The following GDAP1 variants were observed in gnomAD, a reference collection of about 807,000 sequenced individuals.
GDAP1 encodes ganglioside-induced differentiation-associated protein 1.
In GDAP1, 34 loss-of-function variants were observed where a neutral mutation model predicts 40.1. The ratio of observed to expected loss-of-function variants is 0.85; its 90% CI spans 0.64 to 1.13. GDAP1 has a LOEUF of 1.13. GDAP1 is among the 50% of genes most tolerant of loss of function. The pLI, the probability that GDAP1 is intolerant of heterozygous loss-of-function variation, is 0.00. For missense variants in GDAP1, 374 were observed against 433.7 expected, an observed-to-expected ratio of 0.86 and a Z score of 1.22; for synonymous variants, 170 against 157.4, an observed-to-expected ratio of 1.08 and a Z score of -0.60.
chr8:74,436,786 C>G (rs977539180), intron 2 of GDAP1, among the ~76,000 whole-genome samples: 6 of 152,042 alleles, frequency 3.9e-5, no homozygotes, highest in African/African-American at 1.4e-4. Context: ...TTTTCCCGGC[C>G]CTTTACCCCC....
At chr8:74,350,662 C>T in intron 1 of GDAP1, 84 bp downstream of exon 1, 2 of 925,736 alleles carry the variant, frequency 2.2e-6, no homozygotes, top group Admixed American at 3.4e-5. Context: ...CCCAGGGAAG[C>T]CGGTCCACCT....
chr8:74,473,968 A>G (rs1463724025), intron 2 of GDAP1, among the ~76,000 whole-genome samples: 1 of 151,306 alleles, frequency 6.6e-6, no homozygotes, highest in Non-Finnish European at 1.5e-5. Context: ...TATTTGTTTC[A>G]CCTCTGTTTC....
At chr8:74,464,998 T>C (rs1806450377) in intron 2 of GDAP1, among the ~76,000 whole-genome samples, 1 of 152,116 alleles carries the variant, frequency 6.6e-6, no homozygotes, top group African/African-American at 2.4e-5. Flanking sequence ...GGCGGGTAGA[T>C]TGCTTGAGCT....
At chr8:74,456,856 T>A (rs1806341851) in intron 2 of GDAP1, among the ~76,000 whole-genome samples, 1 of 152,034 alleles carries the variant, frequency 6.6e-6, no homozygotes, top group Non-Finnish European at 1.5e-5. Flanking sequence ...TGTGATGAAG[T>A]TGAAAATATG....
At chr8:74,449,311 G>GACAT (rs1250607507) in intron 2 of GDAP1, among the ~76,000 whole-genome samples, 1 of 151,664 alleles carries the variant, frequency 6.6e-6, no homozygotes, top group Non-Finnish European at 1.5e-5. Context: ...TGATTGTTTT[G>GACAT]ACATACAAGC....
chr8:74,419,234 A>T (rs1192090285), intron 2 of GDAP1, among the ~76,000 whole-genome samples: 1 of 152,240 alleles, frequency 6.6e-6, no homozygotes, highest in Non-Finnish European at 1.5e-5. Context: ...ATAAATGTTT[A>T]TGGTGGTTTT....
chr8:74,421,627 C>T (rs1320910951), intron 2 of GDAP1, among the ~76,000 whole-genome samples: 2 of 127,428 alleles, frequency 1.6e-5, no homozygotes, highest in Non-Finnish European at 3.3e-5. Flanking sequence ...TCAACCTTAG[C>T]CTTCAGGACT....
chr8:74,445,135 T>C (rs550098671), intron 2 of GDAP1, among the ~76,000 whole-genome samples: 3 of 152,206 alleles, frequency 2.0e-5, no homozygotes, highest in South Asian at 2.1e-4. Flanking sequence ...AATCATGGAG[T>C]TGGAAGGACA....
At position 74,360,239 on chromosome 8, in the gene GDAP1, A is replaced by G; in HGVS notation, c.413A>G (p.His138Arg). Residue 138 changes from histidine (H) to arginine (R), a missense_variant, in exon 3 of 6, where the codon CAT (histidine) becomes CGT (arginine). Transcript: ENST00000220822. ...LDSLPMDAYTHGCILHPELTV... is the reference protein window; with the variant it reads ...LDSLPMDAYTRGCILHPELTV... Reference sequence around the variant, plus strand: ...TCCTTGCCAATGGATGCCTATACACATGGCTGCATTTTACATCCTGAGTTA... The same window carrying G: ...TCCTTGCCAATGGATGCCTATACACGTGGCTGCATTTTACATCCTGAGTTA... 6.2e-7 allele frequency: 1 copy of G among 1,613,570 alleles called. No homozygotes were observed. The highest frequency in any genetic ancestry group is 8.5e-7 in the Non-Finnish European group (1 of 1,179,490).
chr8:74,391,402 C>T (rs1265678160), intron 2 of GDAP1, among the ~76,000 whole-genome samples: 1 of 152,006 alleles, frequency 6.6e-6, no homozygotes, highest in Non-Finnish European at 1.5e-5. Flanking sequence ...CCTCATGGCA[C>T]AGTCCCTCAC....
intron 2 of GDAP1, among the ~76,000 whole-genome samples, chr8:74,428,610 G>A (rs1805983951): frequency 7.1e-6 from 1 of 140,602 alleles, no homozygotes; most frequent in South Asian, 2.2e-4. Flanking sequence ...GGGACTACGG[G>A]CGTATGCCAC....
intron 2 of GDAP1, among the ~76,000 whole-genome samples, chr8:74,412,797 G>T (rs771430496): frequency 2.7e-5 from 4 of 149,416 alleles, no homozygotes; most frequent in Non-Finnish European, 5.9e-5. Context: ...GGTGGCTCAC[G>T]CCTGTAATCC....
At chr8:74,486,373 T>C (rs1806776424) in intron 2 of GDAP1, among the ~76,000 whole-genome samples, 1 of 152,198 alleles carries the variant, frequency 6.6e-6, no homozygotes, top group Admixed American at 6.5e-5. Flanking sequence ...TGCACACTTA[T>C]CACATGCTGA....
chr8:74,422,180 TTTC>T (rs916284349), intron 2 of GDAP1, among the ~76,000 whole-genome samples: 8 of 151,288 alleles, frequency 5.3e-5, no homozygotes, highest in Non-Finnish European at 8.9e-5. Context: ...CTTTTCTTTC[TTTC>T]TTTTTTCTCT....
intron 2 of GDAP1, among the ~76,000 whole-genome samples, chr8:74,390,054 A>G (rs983476045): frequency 6.6e-6 from 1 of 152,128 alleles, no homozygotes; most frequent in Non-Finnish European, 1.5e-5. Flanking sequence ...TCTTCTCTAA[A>G]CTGGCTATTC....
intron 2 of GDAP1, among the ~76,000 whole-genome samples, chr8:74,404,008 C>T (rs7819969): frequency 6.7e-6 from 1 of 149,330 alleles, no homozygotes; most frequent in Non-Finnish European, 1.5e-5. Context: ...TTATCCAGTA[C>T]AAATAATTGA....
intron 2 of GDAP1, among the ~76,000 whole-genome samples, chr8:74,390,575 G>A (rs758536735): frequency 3.9e-5 from 6 of 152,224 alleles, no homozygotes; most frequent in African/African-American, 7.2e-5. Context: ...AGGGGCACCC[G>A]CCAGATGCCA....
rs1215247115 is a variant in GDAP1 at position 74,453,697 on chromosome 8, C to T, written c.166-34981C>T. ...TTAGTTCCAGGTTTGCTGCTATTTC[C>T]TCATATGAATTAGGGCAAGCCAATT... On this transcript the variant is annotated intron_variant, in intron 2 of 2. Coordinates refer to the GDAP1 transcript ENST00000523640. Among the ~76,000 whole-genome samples, 4 of 82,990 alleles carry T rather than the reference C, an allele frequency of 4.8e-5. 2 individuals carry two copies. Among genetic ancestry groups the T allele is most frequent in the African/African-American group, 2.1e-4 (4 of 18,910 alleles). The allele number at this position is 82,990 out of a possible 152,430, so 54.4% of individuals were successfully genotyped here.
intron 2 of GDAP1, among the ~76,000 whole-genome samples, chr8:74,472,948 C>G (rs1171509190): frequency 6.6e-6 from 1 of 152,040 alleles, no homozygotes; most frequent in Non-Finnish European, 1.5e-5. Context: ...TGGGGTTTCA[C>G]CATGTTGCCC....
Sources: gnomAD v4.1 joint callset for allele counts (sites outside exome capture counted in the v4.1 genomes callset) on GRCh38, gnomAD v4.1.1 for gene constraint, MANE v1.5 for transcripts, NCBI Gene and HGNC (gene_info 2026-07-23, HGNC 2026-07-21) for gene names.